Variants in B3GAT2 observed in about 807,000 individuals in gnomAD.
B3GAT2 encodes the protein galactosylgalactosylxylosylprotein 3-beta-glucuronosyltransferase 2.
Under a neutral mutation model 27.8 loss-of-function variants are expected in B3GAT2, and 26 were observed. That is an observed-to-expected ratio of 0.93 (90% CI 0.68 to 1.30). The LOEUF is 1.30. Ranked by LOEUF, B3GAT2 falls within the 50% of genes most tolerant of loss-of-function variation. B3GAT2 has a pLI of 0.00. For synonymous variants in B3GAT2, 218 were observed against 195.1 expected (o/e 1.12, Z -0.98); for missense variants, 458 against 459.0 (o/e 1.00, Z 0.02).
At chr6:70,911,351 T>C (rs1208318173) in intron 1 of B3GAT2, among the ~76,000 whole-genome samples, 7 of 152,308 alleles carry the variant, frequency 4.6e-5, no homozygotes, top group Non-Finnish European at 1.0e-4. Context: ...AGTGGTCTAG[T>C]TTTAATCTTC....
chr6:70,927,324 C>G (rs531032944), intron 1 of B3GAT2, among the ~76,000 whole-genome samples: 1 of 152,146 alleles, frequency 6.6e-6, no homozygotes, highest in Non-Finnish European at 1.5e-5. Flanking sequence ...TCACACATAA[C>G]AATATTAACC....
intron 2 of B3GAT2, among the ~76,000 whole-genome samples, chr6:70,863,707 A>G (rs899882570): frequency 6.6e-6 from 1 of 152,204 alleles, no homozygotes; most frequent in African/African-American, 2.4e-5. Context: ...GACTCCACTG[A>G]CTGCAAAGCA....
rs535216457 is a variant in B3GAT2, at chr6:70,859,795, A to G, written c.*1868T>C. 50 of 175,922 alleles carry G rather than the reference A, an allele frequency of 2.8e-4. No homozygotes were observed. Among genetic ancestry groups the G allele is most frequent in the Middle Eastern group, 2.7e-3 (1 of 374 alleles). 10.9% of individuals were successfully genotyped at this position (175,922 alleles called of 1,614,324 possible). A position where few individuals can be genotyped will look rare whatever the true frequency, so the allele number is the denominator to read the frequency against. On this transcript the variant is annotated 3_prime_UTR_variant, in exon 4 of 4. Transcript: ENST00000230053. ...CACTTTAAAAATATTTAGGAAGTATATAAGATTTTAATAGAGAATAATATC... is the reference window on the plus strand; with the variant it reads ...CACTTTAAAAATATTTAGGAAGTATGTAAGATTTTAATAGAGAATAATATC...
chr6:70,947,287 C>T lies in B3GAT2; in HGVS notation c.591+8552G>A, dbSNP rs375802761. Among the ~76,000 whole-genome samples the T allele has an allele frequency of 3.8e-3, 582 of 151,834 alleles. 13 individuals carry two copies. In the East Asian group the frequency reaches 0.084, roughly 22 times the overall value. On this transcript the variant is annotated intron_variant, in intron 1 of 3. Transcript: ENST00000230053. Reference sequence around the variant, plus strand: ...AAAACCCTTCAAAAAATTAATGAATCCAGGAGCTGGTTATTTGAAAGGATC... The same window carrying T: ...AAAACCCTTCAAAAAATTAATGAATTCAGGAGCTGGTTATTTGAAAGGATC...
chr6:70,942,513 A>G (rs1765411118), intron 1 of B3GAT2, among the ~76,000 whole-genome samples: 1 of 152,012 alleles, frequency 6.6e-6, no homozygotes, highest in Non-Finnish European at 1.5e-5. Flanking sequence ...CTCAAATGTC[A>G]CTTCCTCCAC....
At position 70,933,768 on chromosome 6, in the gene B3GAT2, CA is replaced by C. The variant is rs538783343; in HGVS notation, c.591+22070del. Among the ~76,000 whole-genome samples, 36 of 152,316 alleles carry C rather than the reference CA, an allele frequency of 2.4e-4. 1 individual carries two copies. The South Asian group carries it at 5.8e-3, about 25-fold the overall frequency. On this transcript the variant is annotated intron_variant, in intron 1 of 3. Coordinates refer to ENST00000230053, the MANE Select transcript of B3GAT2 (RefSeq NM_080742.3). Reference sequence around the variant, plus strand: ...GCCGCTATGACTGTCAGGATTGGTACAGCCACAGTAGCTAGGTGGCTTTGTG... The same window carrying C: ...GCCGCTATGACTGTCAGGATTGGTACGCCACAGTAGCTAGGTGGCTTTGTG...
At chr6:70,941,894 T>G (rs2150049783) in intron 1 of B3GAT2, among the ~76,000 whole-genome samples, 1 of 152,270 alleles carries the variant, frequency 6.6e-6, no homozygotes, top group African/African-American at 2.4e-5. Context: ...TACCCTGGTA[T>G]TCTAGTGGGA....
intron 1 of B3GAT2, among the ~76,000 whole-genome samples, chr6:70,911,396 T>C (rs1456020447): frequency 6.6e-6 from 1 of 152,192 alleles, no homozygotes; most frequent in African/African-American, 2.4e-5. Flanking sequence ...GAATCACTTA[T>C]TGACTAGCAG....
In B3GAT2 at chr6:70,860,147, A is replaced by AGAATT; in HGVS notation, c.*1511_*1515dup. 1 of 1,515,908 alleles carries AGAATT rather than the reference A, an allele frequency of 6.6e-7. No individual in the cohort carries two copies. The highest frequency in any genetic ancestry group is 8.8e-7 in the Non-Finnish European group (1 of 1,131,978). 93.9% of individuals were successfully genotyped at this position (1,515,908 alleles called of 1,614,324 possible). The stretch of plus-strand genomic sequence containing the variant: ...GACCAACTGTGTGGCTAAAGAAACA[A>AGAATT]GAATTAAAAGTGAAGTAAGCCTCTT... On this transcript the variant is annotated 3_prime_UTR_variant, in exon 4 of 4. Transcript: ENST00000230053.
intron 1 of B3GAT2, among the ~76,000 whole-genome samples, chr6:70,937,047 C>T (rs1765293366): frequency 6.6e-6 from 1 of 151,800 alleles, no homozygotes; most frequent in African/African-American, 2.4e-5. Context: ...ATCAAATAGA[C>T]ACAAAAAAAT....
chr6:70,896,579 T>G (rs923072948), intron 1 of B3GAT2, among the ~76,000 whole-genome samples: 1 of 152,144 alleles, frequency 6.6e-6, no homozygotes, highest in Non-Finnish European at 1.5e-5. Flanking sequence ...AACCCCAATC[T>G]CCTTTCTATA....
chr6:70,928,387 A>G lies in B3GAT2; in HGVS notation c.591+27452T>C, dbSNP rs551877487. Among the ~76,000 whole-genome samples, 860 of 152,260 alleles carry G rather than the reference A, an allele frequency of 5.6e-3. 5 individuals are homozygous for G. Among genetic ancestry groups the G allele is most frequent in the Middle Eastern group, 0.041 (12 of 294 alleles). On this transcript the variant is annotated intron_variant, in intron 1 of 3. Coordinates refer to ENST00000230053, the MANE Select transcript of B3GAT2 (RefSeq NM_080742.3). ...CAAAAAAAAAAACTTCAAAAAATCA[A>G]TGAATCTAGGAATTGGTTTTTTGAA...
rs747510122 is a variant in B3GAT2 at position 70,931,462 on chromosome 6, T to C, written c.591+24377A>G. Among the ~76,000 whole-genome samples, 4 of 152,134 alleles carry C rather than the reference T, an allele frequency of 2.6e-5. No individual in the cohort carries two copies. In the East Asian group the frequency reaches 7.7e-4, roughly 29 times the overall value. On this transcript the variant is annotated intron_variant, in intron 1 of 3. Transcript: ENST00000230053. ...GTGTAAAGCTCTTTCTCTATTGCAA[T>C]TCCCATCTTGATAAACCAGCTATAT...
intron 2 of B3GAT2, among the ~76,000 whole-genome samples, chr6:70,883,460 CAA>C (rs79996173): frequency 0.035 from 3,480 of 100,146 alleles, 60 homozygotes; most frequent in South Asian, 0.072. Context: ...GCTCAATAAG[CAA>C]AAAAAAAAAA....
chr6:70,894,956 G>T (rs992137984), intron 1 of B3GAT2, among the ~76,000 whole-genome samples: 30 of 152,202 alleles, frequency 2.0e-4, no homozygotes, highest in African/African-American at 6.5e-4. Flanking sequence ...TCTTTAAGGG[G>T]AAAGAGATGC....
chr6:70,862,195 A>C (rs1475965928), intron 2 of B3GAT2, among the ~76,000 whole-genome samples: 2 of 152,186 alleles, frequency 1.3e-5, no homozygotes, highest in East Asian at 1.9e-4. Context: ...AAAGGCGTGC[A>C]CAGGAGCATC....
chr6:70,956,226 C>A lies in B3GAT2; in HGVS notation c.204G>T (p.Gln68His). 6.2e-7 allele frequency: 1 copy of A among 1,612,588 alleles called. No homozygotes were observed. Among genetic ancestry groups the A allele is most frequent in the Middle Eastern group, 1.7e-4 (1 of 6,028 alleles). The change falls in exon 1 of 4, where the codon CAG becomes CAT. Residue 68 changes from glutamine (Q) to histidine (H), a missense_variant. Transcript: ENST00000230053. ...GCTCCGGCTGTGGCTGCGGCCGAGA[C>A]TGGTTGCGCTTTTGGGTCCCGTGAG... ...GPAHGTQKRN[Q>H]SRPQPQPEPQ...
intron 2 of B3GAT2, among the ~76,000 whole-genome samples, chr6:70,879,420 CT>C (rs1772064675): frequency 6.6e-6 from 1 of 152,206 alleles, no homozygotes; most frequent in African/African-American, 2.4e-5. Context: ...CCCTGACCCC[CT>C]GTGAATACCC....
chr6:70,920,396 G>T (rs182800060), intron 1 of B3GAT2, among the ~76,000 whole-genome samples: 1 of 152,292 alleles, frequency 6.6e-6, no homozygotes, highest in South Asian at 2.1e-4. Flanking sequence ...GGGATGCCCC[G>T]CCCTGCTTCG....
Sources: allele counts gnomAD v4.1 joint callset (sites outside exome capture counted in the v4.1 genomes callset), GRCh38; gene constraint gnomAD v4.1.1; transcripts MANE v1.5; gene names NCBI Gene and HGNC (gene_info 2026-07-23, HGNC 2026-07-21).